Variants in GPC5 observed in about 807,000 individuals in gnomAD.
GPC5 encodes the protein glypican 5, also known as glypican-5.
GPC5 carries 47 observed loss-of-function variants against 53.9 expected under a neutral mutation model. That is an observed-to-expected ratio of 0.87 (90% CI 0.69 to 1.11). GPC5 has a LOEUF of 1.11. GPC5 is among the 50% of genes most tolerant of loss of function. GPC5 has a pLI of 0.00. For missense variants in GPC5, 748 were observed against 713.1 expected (o/e 1.05, Z -0.56); for synonymous variants, 286 against 263.3 (o/e 1.09, Z -0.84).
intron 6 of GPC5, among the ~76,000 whole-genome samples, chr13:91,951,787 G>A (rs72633744): frequency 0.047 from 7,216 of 152,150 alleles, 225 homozygotes; most frequent in Non-Finnish European, 0.071. Flanking sequence ...TGGTAGAAAA[G>A]TAATTCCGTT....
At chr13:92,256,379 A>G (rs2042726648) in intron 7 of GPC5, among the ~76,000 whole-genome samples, 1 of 152,022 alleles carries the variant, frequency 6.6e-6, no homozygotes. Flanking sequence ...AATGAGAATC[A>G]AATAGGTTAA....
chr13:92,038,417 G>A (rs1024385516), intron 6 of GPC5, among the ~76,000 whole-genome samples: 1 of 151,012 alleles, frequency 6.6e-6, no homozygotes, highest in East Asian at 2.0e-4. Flanking sequence ...TTTGGGTGGG[G>A]CATGGGATGT....
chr13:91,917,979 A>G (rs1405069760), intron 6 of GPC5, among the ~76,000 whole-genome samples: 1 of 152,090 alleles, frequency 6.6e-6, no homozygotes, highest in Non-Finnish European at 1.5e-5. Context: ...CTTGGTACCA[A>G]TTTTACTGTA....
chr13:92,221,091 A>G, intron 7 of GPC5, among the ~76,000 whole-genome samples: 1 of 152,124 alleles, frequency 6.6e-6, no homozygotes, highest in East Asian at 1.9e-4. Flanking sequence ...AGGGGTGGTC[A>G]CTCAACTCAT....
At chr13:92,817,092 C>A (rs1331418023) in intron 7 of GPC5, among the ~76,000 whole-genome samples, 2 of 151,916 alleles carry the variant, frequency 1.3e-5, no homozygotes, top group Non-Finnish European at 2.9e-5. Flanking sequence ...ACAATGCAAT[C>A]CCTAAAAAGA....
chr13:91,944,043 G>A (rs111649694), intron 6 of GPC5, among the ~76,000 whole-genome samples: 3,216 of 151,606 alleles, frequency 0.021, 104 homozygotes, highest in African/African-American at 0.074. Flanking sequence ...AACTTCTCCT[G>A]AACTATTTGA....
At chr13:91,803,532 A>G (rs755623298) in intron 5 of GPC5, among the ~76,000 whole-genome samples, 56 of 152,120 alleles carry the variant, frequency 3.7e-4, no homozygotes, top group Non-Finnish European at 2.1e-4. Flanking sequence ...TTTCACCATT[A>G]TAAAAAAGTT....
chr13:91,563,831 C>T (rs1355009523), intron 2 of GPC5, among the ~76,000 whole-genome samples: 1 of 152,022 alleles, frequency 6.6e-6, no homozygotes, highest in African/African-American at 2.4e-5. Context: ...GGAGGACCCT[C>T]TTCTCTCTGA....
intron 6 of GPC5, among the ~76,000 whole-genome samples, chr13:92,045,527 C>G (rs1247917422): frequency 6.6e-6 from 1 of 152,106 alleles, no homozygotes; most frequent in Non-Finnish European, 1.5e-5. Flanking sequence ...GTCATCACCA[C>G]CACCCCCGTC....
chr13:91,472,260 C>A (rs1367036460), intron 2 of GPC5, among the ~76,000 whole-genome samples: 1 of 152,080 alleles, frequency 6.6e-6, no homozygotes, highest in Non-Finnish European at 1.5e-5. Flanking sequence ...GTGTCAATTA[C>A]GGTCTTCTTT....
intron 6 of GPC5, among the ~76,000 whole-genome samples, chr13:92,021,130 AGGATTTATTCAAC>A (rs1423806188): frequency 4.6e-5 from 7 of 152,202 alleles, no homozygotes; most frequent in Non-Finnish European, 8.8e-5. Flanking sequence ...TCCACTTCTG[AGGATTTATTCAAC>A]AGGATTTATT....
intron 7 of GPC5, among the ~76,000 whole-genome samples, chr13:92,150,833 T>A (rs986765011): frequency 1.3e-5 from 2 of 151,456 alleles, no homozygotes; most frequent in Non-Finnish European, 3.0e-5. Flanking sequence ...AAATGAGAAG[T>A]TGTGGTCTTT....
At chr13:92,628,465 G>T (rs1055107636) in intron 7 of GPC5, among the ~76,000 whole-genome samples, 1 of 151,424 alleles carries the variant, frequency 6.6e-6, no homozygotes, top group Non-Finnish European at 1.5e-5. Flanking sequence ...GGGCTGCTTT[G>T]GGGGTCAGCA....
chr13:92,540,827 A>T (rs1881908947), intron 7 of GPC5, among the ~76,000 whole-genome samples: 1 of 151,916 alleles, frequency 6.6e-6, no homozygotes, highest in South Asian at 2.1e-4. Context: ...CATTGTCCTT[A>T]CAAAACCTCA....
intron 5 of GPC5, among the ~76,000 whole-genome samples, chr13:91,905,393 T>C (rs1310845840): frequency 2.0e-5 from 3 of 152,054 alleles, no homozygotes; most frequent in Non-Finnish European, 4.4e-5. Flanking sequence ...GTTATTGATG[T>C]ATACTGCCAA....
chr13:92,003,438 C>A (rs1358163164), intron 6 of GPC5, among the ~76,000 whole-genome samples: 5 of 72,612 alleles, frequency 6.9e-5, no homozygotes, highest in Admixed American at 1.8e-4. Flanking sequence ...CAGAAATTTA[C>A]CATCCAATCG....
chr13:92,303,409 A>G (rs2043088743), intron 7 of GPC5, among the ~76,000 whole-genome samples: 1 of 152,176 alleles, frequency 6.6e-6, no homozygotes, highest in Admixed American at 6.5e-5. Flanking sequence ...CAAAAGCCTA[A>G]GAATGCAGGG....
chr13:91,873,376 C>A (rs2039168442), intron 5 of GPC5, among the ~76,000 whole-genome samples: 1 of 151,934 alleles, frequency 6.6e-6, no homozygotes, highest in Non-Finnish European at 1.5e-5. Context: ...TTGGCTGTGT[C>A]CCCGCCCAAA....
chr13:92,747,674 A>T (rs1889272571), intron 7 of GPC5, among the ~76,000 whole-genome samples: 1 of 152,204 alleles, frequency 6.6e-6, no homozygotes, highest in African/African-American at 2.4e-5. Flanking sequence ...CAACCTAAGA[A>T]TTGAACTAGA....
Sources: gnomAD v4.1 joint callset for allele counts (sites outside exome capture counted in the v4.1 genomes callset) on GRCh38, gnomAD v4.1.1 for gene constraint, MANE v1.5 for transcripts, NCBI Gene and HGNC (gene_info 2026-07-23, HGNC 2026-07-21) for gene names.